PTPRD: variants seen among roughly 807,000 people sequenced by gnomAD.
PTPRD encodes receptor-type tyrosine-protein phosphatase delta.
PTPRD carries 34 observed loss-of-function variants against 214.5 expected under a neutral mutation model. The ratio of observed to expected loss-of-function variants is 0.16; its 90% CI spans 0.12 to 0.21. PTPRD has a LOEUF of 0.21. Among genes scored for constraint, PTPRD ranks in the 10% least tolerant of loss-of-function variants. The pLI is 1.00. For synonymous variants in PTPRD, 1,128 were observed against 845.7 expected, an observed-to-expected ratio of 1.33 and a Z score of -5.79; for missense variants, 2,545 against 2,398.7, an observed-to-expected ratio of 1.06 and a Z score of -1.27.
chr9:9,534,917 T>C (rs2076213869), intron 8 of PTPRD, among the ~76,000 whole-genome samples: 1 of 152,042 alleles, frequency 6.6e-6, no homozygotes, highest in Admixed American at 6.6e-5. Flanking sequence ...GTATCTGCTG[T>C]GTGCTTACTG....
chr9:10,532,574 C>G (rs1228819441), intron 2 of PTPRD, among the ~76,000 whole-genome samples: 2 of 146,910 alleles, frequency 1.4e-5, no homozygotes, highest in African/African-American at 5.0e-5. Context: ...TATATATACA[C>G]TATATATATA....
At chr9:10,110,711 G>C (rs1032519389) in intron 3 of PTPRD, among the ~76,000 whole-genome samples, 3 of 152,142 alleles carry the variant, frequency 2.0e-5, no homozygotes, top group Admixed American at 2.0e-4. Context: ...TCCGTAAAAG[G>C]TTGGCAAAAA....
At position 9,084,103 on chromosome 9, in the gene PTPRD, T is replaced by G. The variant is rs140206281; in HGVS notation, c.-142-65368A>C. Among the ~76,000 whole-genome samples, 1,132 of 152,178 alleles carry G rather than the reference T, an allele frequency of 7.4e-3. 3 individuals are homozygous for G. Among genetic ancestry groups the G allele is most frequent in the Admixed American group, 0.013 (191 of 15,270 alleles). On this transcript the variant is annotated intron_variant, in intron 10 of 45. Transcript: ENST00000381196. ...ATTCTACTATAAAGACACATGCACA[T>G]GTATGTTTATTGCAGCACTATCACA...
intron 8 of PTPRD, among the ~76,000 whole-genome samples, chr9:9,485,145 C>T (rs1253779232): frequency 6.6e-6 from 1 of 152,160 alleles, no homozygotes; most frequent in African/African-American, 2.4e-5. Flanking sequence ...TCTCTCTCCA[C>T]TGTAAAAATA....
chr9:8,325,733 A>C (rs966307833), intron 44 of PTPRD, among the ~76,000 whole-genome samples: 1 of 152,060 alleles, frequency 6.6e-6, no homozygotes, highest in Non-Finnish European at 1.5e-5. Context: ...ATGTTCTTCC[A>C]TTTGTGTCCT....
At chr9:9,065,073 T>C (rs1222704533) in intron 10 of PTPRD, among the ~76,000 whole-genome samples, 2 of 152,168 alleles carry the variant, frequency 1.3e-5, no homozygotes, top group African/African-American at 2.4e-5. Flanking sequence ...GGCATTCCCA[T>C]AGGAGCTGGG....
chr9:10,191,478 T>C (rs889983787), intron 3 of PTPRD, among the ~76,000 whole-genome samples: 6 of 152,166 alleles, frequency 3.9e-5, no homozygotes, highest in African/African-American at 1.4e-4. Context: ...GTAAGGGTAA[T>C]TGAGCTCAGG....
intron 2 of PTPRD, among the ~76,000 whole-genome samples, chr9:10,504,476 G>A (rs1027774057): frequency 1.1e-4 from 17 of 152,214 alleles, no homozygotes; most frequent in Non-Finnish European, 2.5e-4. Flanking sequence ...CCTCAGAAAC[G>A]ATGGACATTT....
intron 5 of PTPRD, among the ~76,000 whole-genome samples, chr9:9,800,377 T>C (rs1385874496): frequency 6.6e-6 from 1 of 152,110 alleles, no homozygotes; most frequent in Non-Finnish European, 1.5e-5. Context: ...TTTGCAAAAA[T>C]CTGTATTTAA....
At chr9:8,756,793 TAGAA>T (rs1326540539) in intron 11 of PTPRD, among the ~76,000 whole-genome samples, 22 of 152,044 alleles carry the variant, frequency 1.4e-4, no homozygotes, top group African/African-American at 3.9e-4. Flanking sequence ...TTTAAGTAGT[TAGAA>T]AGAAATTGTT....
At position 10,446,444 on chromosome 9, in the gene PTPRD, A is replaced by G. The variant is rs867737092; in HGVS notation, c.-599-105427T>C. On this transcript the variant is annotated intron_variant, in intron 2 of 45. Transcript: ENST00000381196. ...TTTTTTTTTTTTTTTTTTTTTTGCT[A>G]TGACAACCATTGCACAGCTAAAAGA... is the stretch of plus-strand genomic sequence containing the variant. Among the ~76,000 whole-genome samples the G allele has an allele frequency of 2.8e-3, 165 of 57,928 alleles. 3 individuals are homozygous for G. The highest frequency in any genetic ancestry group is 0.011 in the African/African-American group (156 of 14,292). 38.0% of individuals were successfully genotyped at this position (57,928 alleles called of 152,430 possible). A position where few individuals can be genotyped will look rare whatever the true frequency, so the allele number is the denominator to read the frequency against.
At chr9:8,468,103 C>T (rs1483001084) in intron 31 of PTPRD, among the ~76,000 whole-genome samples, 1 of 151,958 alleles carries the variant, frequency 6.6e-6, no homozygotes, top group Admixed American at 6.6e-5. Flanking sequence ...CTTTAGAAGA[C>T]TTATAGGAAG....
rs1485135927 is a variant in PTPRD at position 9,845,080 on chromosome 9, CTA to C, written c.-367-78231_-367-78230del. ...GAGCAATATATATATATATATTGCT[CTA>C]TATATATAGCTATATATATACTGCT... On this transcript the variant is annotated intron_variant, in intron 5 of 45. Coordinates refer to ENST00000381196, the MANE Select transcript of PTPRD (RefSeq NM_002839.4). Among the ~76,000 whole-genome samples, 43 of 103,460 alleles carry C rather than the reference CTA, an allele frequency of 4.2e-4. 1 individual carries two copies. Among genetic ancestry groups the C allele is most frequent in the African/African-American group, 1.4e-3 (40 of 29,056 alleles). 67.9% of individuals were successfully genotyped at this position (103,460 alleles called of 152,430 possible).
At chr9:9,671,994 C>G (rs989140538) in intron 7 of PTPRD, among the ~76,000 whole-genome samples, 7 of 152,110 alleles carry the variant, frequency 4.6e-5, no homozygotes, top group African/African-American at 1.7e-4. Flanking sequence ...TGCTACTGTA[C>G]ATTAAAACAT....
At chr9:10,552,769 G>GA (rs1046071796) in intron 2 of PTPRD, among the ~76,000 whole-genome samples, 54 of 147,722 alleles carry the variant, frequency 3.7e-4, no homozygotes, top group Middle Eastern at 3.5e-3. Context: ...CCCATGGAAA[G>GA]AAAAAAAAAA....
chr9:8,543,539 G>C (rs1447511366), intron 14 of PTPRD, among the ~76,000 whole-genome samples: 3 of 152,102 alleles, frequency 2.0e-5, no homozygotes, highest in Admixed American at 2.0e-4. Flanking sequence ...TGCTATTTAA[G>C]TGTTTGTTGT....
intron 3 of PTPRD, among the ~76,000 whole-genome samples, chr9:10,258,444 C>T (rs1035200339): frequency 6.6e-5 from 10 of 152,098 alleles, no homozygotes; most frequent in African/African-American, 2.2e-4. Context: ...GCCATAATAT[C>T]TCGGAGTGCT....
chr9:8,489,177 G>T (rs879883629), intron 27 of PTPRD, among the ~76,000 whole-genome samples: 1 of 152,218 alleles, frequency 6.6e-6, no homozygotes, highest in East Asian at 1.9e-4. Context: ...GCAAAGTCTA[G>T]GAAAAAACCC....
intron 12 of PTPRD, among the ~76,000 whole-genome samples, chr9:8,692,090 T>C (rs550285468): frequency 6.6e-6 from 1 of 152,294 alleles, no homozygotes; most frequent in Non-Finnish European, 1.5e-5. Flanking sequence ...TATTTCCTTC[T>C]TCAGACTCTC....
Sources: gnomAD v4.1 joint callset for allele counts (sites outside exome capture counted in the v4.1 genomes callset) on GRCh38, gnomAD v4.1.1 for gene constraint, MANE v1.5 for transcripts, NCBI Gene and HGNC (gene_info 2026-07-23, HGNC 2026-07-21) for gene names.